CNTN5: variants seen among roughly 807,000 people sequenced by gnomAD.
CNTN5 encodes contactin 5.
CNTN5 carries 77 observed loss-of-function variants against 129.1 expected under a neutral mutation model. The observed-to-expected ratio is 0.60, with a 90% CI of 0.50 to 0.72. The LOEUF (loss-of-function observed/expected upper bound fraction) is 0.72, where lower values mean the gene tolerates loss of function less well. CNTN5 is among the 30% of genes least tolerant of loss of function. The pLI is 0.00. For synonymous variants in CNTN5, 509 were observed against 465.6 expected (o/e 1.09, Z -1.20); for missense variants, 1,478 against 1,328.8 (o/e 1.11, Z -1.75).
chr11:99,993,229 C>G (rs1424981679), intron 8 of CNTN5, among the ~76,000 whole-genome samples: 1 of 152,140 alleles, frequency 6.6e-6, no homozygotes, highest in Non-Finnish European at 1.5e-5. Flanking sequence ...CTATTATACT[C>G]TGTGATTGAA....
intron 8 of CNTN5, among the ~76,000 whole-genome samples, chr11:99,979,985 A>C (rs1485648419): frequency 6.6e-6 from 1 of 152,188 alleles, no homozygotes; most frequent in Non-Finnish European, 1.5e-5. Context: ...GTTATAGCTA[A>C]AGGAGTTACA....
intron 2 of CNTN5, among the ~76,000 whole-genome samples, chr11:99,422,516 TTTTATATATA>T (rs1408639281): frequency 0.084 from 8,379 of 100,296 alleles, 388 homozygotes; most frequent in Non-Finnish European, 0.1. Context: ...TACTTTATAT[TTTTATATATA>T]TATATATATA....
intron 1 of CNTN5, among the ~76,000 whole-genome samples, chr11:99,263,598 A>G (rs932648594): frequency 1.3e-5 from 2 of 152,170 alleles, no homozygotes; most frequent in Middle Eastern, 3.4e-3. Context: ...GGAAAAAGGG[A>G]GAAAGGAAAA....
intron 1 of CNTN5, among the ~76,000 whole-genome samples, chr11:99,262,207 G>A (rs564041322): frequency 5.9e-5 from 9 of 152,028 alleles, no homozygotes; most frequent in Admixed American, 2.6e-4. Context: ...GTGGCCCTAG[G>A]AAAGAGGCTT....
At chr11:100,275,580 ATTTTAGCAAGATCACTTT>A (rs1371999377) in intron 18 of CNTN5, among the ~76,000 whole-genome samples, 1 of 152,160 alleles carries the variant, frequency 6.6e-6, no homozygotes, top group Non-Finnish European at 1.5e-5. Flanking sequence ...ATTAAAAAGC[ATTTTAGCAAGATCACTTT>A]TACATTTCAA....
chr11:100,110,198 A>AC (rs1200731444), intron 13 of CNTN5, among the ~76,000 whole-genome samples: 25 of 145,470 alleles, frequency 1.7e-4, no homozygotes, highest in East Asian at 5.9e-4. Context: ...AAAAAAAAAA[A>AC]AAGAAAAGAA....
intron 2 of CNTN5, among the ~76,000 whole-genome samples, chr11:99,369,315 C>A (rs1010075657): frequency 9.4e-5 from 14 of 149,080 alleles, no homozygotes; most frequent in Admixed American, 5.4e-4. Flanking sequence ...CAAGAAGGAA[C>A]CTTTGTAACA....
In CNTN5 at chr11:100,163,621, T is replaced by C. The variant is rs76697869; in HGVS notation, c.1581-27505T>C. On this transcript the variant is annotated intron_variant, in intron 13 of 24. Coordinates refer to ENST00000524871, the MANE Select transcript of CNTN5 (RefSeq NM_014361.4). ...AGAGGTCCTGAAATCAATCAATCAG[T>C]TGTCTGACCTACTGCCTACCACACA... Among the ~76,000 whole-genome samples the C allele has an allele frequency of 4.5e-3, 690 of 151,988 alleles. 3 individuals are homozygous for C. Among genetic ancestry groups the C allele is most frequent in the Middle Eastern group, 0.017 (5 of 292 alleles).
At chr11:99,644,627 G>A (rs1364243893) in intron 3 of CNTN5, among the ~76,000 whole-genome samples, 1 of 151,944 alleles carries the variant, frequency 6.6e-6, no homozygotes, top group Non-Finnish European at 1.5e-5. Context: ...GTCAAAATTG[G>A]CCATTTAAAA....
chr11:99,526,466 T>C (rs987109316), intron 2 of CNTN5, among the ~76,000 whole-genome samples: 3 of 152,226 alleles, frequency 2.0e-5, no homozygotes, highest in South Asian at 2.1e-4. Flanking sequence ...GAAATAGTTT[T>C]ATGCAAGAAT....
chr11:99,856,079 A>T (rs1332072276), intron 6 of CNTN5, among the ~76,000 whole-genome samples: 1 of 152,196 alleles, frequency 6.6e-6, no homozygotes, highest in East Asian at 1.9e-4. Flanking sequence ...AAGAAGGCTC[A>T]CTAATTACCT....
chr11:100,083,582 C>T (rs940039330), intron 13 of CNTN5, among the ~76,000 whole-genome samples: 6 of 152,042 alleles, frequency 3.9e-5, no homozygotes, highest in African/African-American at 1.4e-4. Context: ...GAATTAATAA[C>T]CCAAAATAAT....
intron 2 of CNTN5, among the ~76,000 whole-genome samples, chr11:99,356,040 A>T (rs1250107179): frequency 1.3e-5 from 2 of 151,670 alleles, no homozygotes; most frequent in African/African-American, 4.8e-5. Flanking sequence ...GTTAGCCAGG[A>T]TGGTCTCAAT....
At chr11:99,672,661 A>T (rs73551469) in intron 3 of CNTN5, among the ~76,000 whole-genome samples, 1 of 149,222 alleles carries the variant, frequency 6.7e-6, no homozygotes, top group Non-Finnish European at 1.5e-5. Flanking sequence ...CTCTGTGTCA[A>T]CTCTCTCCAA....
chr11:100,157,133 A>C (rs1947272143), intron 13 of CNTN5, among the ~76,000 whole-genome samples: 1 of 151,786 alleles, frequency 6.6e-6, no homozygotes, highest in African/African-American at 2.4e-5. Context: ...CACTTTTCTT[A>C]ATATGCAAAT....
intron 2 of CNTN5, among the ~76,000 whole-genome samples, chr11:99,443,174 G>A (rs1196676094): frequency 3.9e-5 from 6 of 152,172 alleles, no homozygotes; most frequent in African/African-American, 1.4e-4. Context: ...CTAGCGACTT[G>A]TTGAATAAAA....
chr11:99,953,681 A>G (rs1591474332), intron 7 of CNTN5, among the ~76,000 whole-genome samples: 1 of 152,152 alleles, frequency 6.6e-6, no homozygotes, highest in East Asian at 1.9e-4. Context: ...CTGCCTAAGA[A>G]TGGAAGTTGA....
chr11:100,030,757 A>G (rs960176720), intron 9 of CNTN5, among the ~76,000 whole-genome samples: 1 of 152,210 alleles, frequency 6.6e-6, no homozygotes, highest in African/African-American at 2.4e-5. Context: ...AACACAAAAG[A>G]TAAAGCATAC....
chr11:100,010,172 A>G (rs533547189), intron 9 of CNTN5, among the ~76,000 whole-genome samples: 1 of 152,278 alleles, frequency 6.6e-6, no homozygotes, highest in East Asian at 1.9e-4. Flanking sequence ...AATGCAGTAT[A>G]TAATTAAACA....
Sources: gnomAD v4.1 joint callset for allele counts (sites outside exome capture counted in the v4.1 genomes callset) on GRCh38, gnomAD v4.1.1 for gene constraint, MANE v1.5 for transcripts, NCBI Gene and HGNC (gene_info 2026-07-23, HGNC 2026-07-21) for gene names.